PLPPR5: variants seen among roughly 807,000 people sequenced by gnomAD.
PLPPR5 encodes the protein phospholipid phosphatase related 5, also known as phospholipid phosphatase-related protein type 5.
PLPPR5 carries 16 observed loss-of-function variants against 33.9 expected under a neutral mutation model. That is an observed-to-expected ratio of 0.47 (90% CI 0.32 to 0.72). PLPPR5 has a LOEUF of 0.72. PLPPR5 is among the 30% of genes least tolerant of loss of function. The pLI is 0.03. For synonymous variants in PLPPR5, 163 were observed against 150.3 expected, an observed-to-expected ratio of 1.08 and a Z score of -0.62; for missense variants, 301 against 406.7, an observed-to-expected ratio of 0.74 and a Z score of 2.23.
chr1:99,000,798 T>C lies in PLPPR5; in HGVS notation c.237+3637A>G, dbSNP rs548909205. 1.2e-4 allele frequency among the ~76,000 whole-genome samples: 19 copies of C among 152,328 alleles called. No individual in the cohort carries two copies. In the East Asian group the frequency reaches 3.7e-3, roughly 29 times the overall value. On this transcript the variant is annotated intron_variant, in intron 1 of 5. Coordinates refer to ENST00000263177, the MANE Select transcript of PLPPR5 (RefSeq NM_001037317.2). ...TCTGTCATAATTACTTATATTATGATCTGCGGTATGTTTATCTAATTTCAC... is the reference window on the plus strand; with the variant it reads ...TCTGTCATAATTACTTATATTATGACCTGCGGTATGTTTATCTAATTTCAC...
chr1:98,993,485 C>T (rs1481218536), intron 1 of PLPPR5, among the ~76,000 whole-genome samples: 3 of 152,078 alleles, frequency 2.0e-5, no homozygotes, highest in Non-Finnish European at 4.4e-5. Flanking sequence ...AAAAGATTGT[C>T]ATATAGTTTT....
At chr1:98,992,769 A>G (rs1218284576) in intron 1 of PLPPR5, among the ~76,000 whole-genome samples, 3 of 152,088 alleles carry the variant, frequency 2.0e-5, no homozygotes, top group Non-Finnish European at 2.9e-5. Flanking sequence ...TCAGAAAAAA[A>G]CTCTCATAGT....
intron 1 of PLPPR5, among the ~76,000 whole-genome samples, chr1:98,957,690 T>G (rs1402331034): frequency 6.6e-6 from 1 of 152,236 alleles, no homozygotes; most frequent in East Asian, 1.9e-4. Context: ...GGAATTGTCA[T>G]AATATACTAC....
Position 99,004,701 on chromosome 1 carries a change from C to T in PLPPR5, c.-30G>A. On this transcript the variant is annotated 5_prime_UTR_variant, in exon 1 of 6. Transcript: ENST00000263177. ...GCCTCCCGGGCCGGGCCGAGCCGAG[C>T]CGAGCGGGCGGTCGACGCGGTGGGC... 2 of 1,465,044 alleles carry T rather than the reference C, an allele frequency of 1.4e-6. No individual in the cohort carries two copies. Among genetic ancestry groups the T allele is most frequent in the Non-Finnish European group, 1.8e-6 (2 of 1,098,334 alleles). The allele number at this position is 1,465,044 out of a possible 1,614,324, so 90.8% of individuals were successfully genotyped here. A position where few individuals can be genotyped will look rare whatever the true frequency, so the allele number is the denominator to read the frequency against.
chr1:98,954,603 C>T (rs949823774), intron 2 of PLPPR5, among the ~76,000 whole-genome samples: 1 of 152,042 alleles, frequency 6.6e-6, no homozygotes, highest in Non-Finnish European at 1.5e-5. Flanking sequence ...AAAACCCCCA[C>T]ACAGCAAAAC....
intron 1 of PLPPR5, among the ~76,000 whole-genome samples, chr1:98,975,807 A>G (rs1390790448): frequency 6.6e-6 from 1 of 152,048 alleles, no homozygotes; most frequent in Non-Finnish European, 1.5e-5. Context: ...CAAGGAATAA[A>G]TAATATGTCC....
chr1:98,965,519 G>GT (rs1156374366), intron 1 of PLPPR5, among the ~76,000 whole-genome samples: 1 of 152,058 alleles, frequency 6.6e-6, no homozygotes, highest in African/African-American at 2.4e-5. Context: ...TTGGTAATGA[G>GT]TAAAAAGCCC....
chr1:98,968,423 A>G (rs1651529153), intron 1 of PLPPR5, among the ~76,000 whole-genome samples: 1 of 152,038 alleles, frequency 6.6e-6, no homozygotes, highest in Admixed American at 6.6e-5. Context: ...AACAACAAAA[A>G]AGCAATATGA....
At chr1:98,942,163 C>T (rs902311785) in intron 3 of PLPPR5, among the ~76,000 whole-genome samples, 7 of 147,938 alleles carry the variant, frequency 4.7e-5, no homozygotes, top group African/African-American at 1.7e-4. Context: ...CCTCTGCCTC[C>T]TGAATTCAAG....
Position 98,907,203 on chromosome 1 carries a change from CT to C in PLPPR5, c.933+7582del, listed in dbSNP as rs5776440. 5.1e-3 allele frequency among the ~76,000 whole-genome samples: 670 copies of C among 132,126 alleles called. 2 individuals carry two copies. The highest frequency in any genetic ancestry group is 0.016 in the Middle Eastern group (4 of 250). 86.7% of individuals were successfully genotyped at this position (132,126 alleles called of 152,430 possible). A position where few individuals can be genotyped will look rare whatever the true frequency, so the allele number is the denominator to read the frequency against. ...AAATTTAATTGTATTTATTGTAATC[CT>C]TTTTTTTTTTTTTTTCTGATGAAGT... On this transcript the variant is annotated intron_variant, in intron 5 of 5. Coordinates refer to ENST00000263177, the MANE Select transcript of PLPPR5 (RefSeq NM_001037317.2).
Position 98,952,395 on chromosome 1 carries a change from T to C in PLPPR5, c.621+675A>G, listed in dbSNP as rs534582928. On this transcript the variant is annotated intron_variant, in intron 3 of 5. Transcript: ENST00000263177. ...GAGGAGGGAGAGGCTGATGGTACCA[T>C]TGTTGGGGACAAGAGCTGCCTGCCA... Among the ~76,000 whole-genome samples, 72 of 152,206 alleles carry C rather than the reference T, an allele frequency of 4.7e-4. 4 individuals carry two copies. The South Asian group carries it at 0.014, about 29-fold the overall frequency.
At chr1:98,965,372 C>G (rs191337249) in intron 1 of PLPPR5, among the ~76,000 whole-genome samples, 1 of 152,136 alleles carries the variant, frequency 6.6e-6, no homozygotes, top group East Asian at 1.9e-4. Flanking sequence ...TATGAAGCTC[C>G]TCGAATCTTG....
At chr1:99,000,786 C>T (rs898747742) in intron 1 of PLPPR5, among the ~76,000 whole-genome samples, 1 of 152,230 alleles carries the variant, frequency 6.6e-6, no homozygotes, top group East Asian at 1.9e-4. Context: ...GTCATAATTA[C>T]TTATATTATG....
chr1:98,950,425 T>G (rs959215261), intron 3 of PLPPR5, among the ~76,000 whole-genome samples: 7 of 152,188 alleles, frequency 4.6e-5, no homozygotes, highest in Non-Finnish European at 1.0e-4. Context: ...ATGTCCCAAT[T>G]TTTATTATAG....
At chr1:98,935,200 T>C (rs1478057639) in intron 3 of PLPPR5, among the ~76,000 whole-genome samples, 1 of 152,210 alleles carries the variant, frequency 6.6e-6, no homozygotes. Context: ...TTAAGCCAAG[T>C]GCTGGAGACA....
At chr1:98,974,740 T>C (rs2100746715) in intron 1 of PLPPR5, among the ~76,000 whole-genome samples, 1 of 152,234 alleles carries the variant, frequency 6.6e-6, no homozygotes, top group African/African-American at 2.4e-5. Context: ...TTGTATATTC[T>C]GGCCTATATT....
chr1:99,001,931 A>G lies in PLPPR5; in HGVS notation c.237+2504T>C, dbSNP rs370674373. The stretch of plus-strand genomic sequence containing the variant: ...TCATGTTCCCAAATGTTAGATAAGA[A>G]TAATAATTATTGCTTTCAGAGATAA... On this transcript the variant is annotated intron_variant, in intron 1 of 5. Transcript: ENST00000263177. 1.2e-4 allele frequency among the ~76,000 whole-genome samples: 19 copies of G among 152,064 alleles called. No individual in the cohort carries two copies. In the East Asian group the frequency reaches 2.1e-3, roughly 17 times the overall value.
At chr1:98,992,396 T>G (rs1374169728) in intron 1 of PLPPR5, among the ~76,000 whole-genome samples, 1 of 152,192 alleles carries the variant, frequency 6.6e-6, no homozygotes, top group African/African-American at 2.4e-5. Flanking sequence ...TTTATACCAC[T>G]GAATATCTCT....
chr1:98,909,699 T>C (rs1338145887), intron 5 of PLPPR5, among the ~76,000 whole-genome samples: 1 of 152,276 alleles, frequency 6.6e-6, no homozygotes, highest in East Asian at 1.9e-4. Context: ...CTAGTTTGCA[T>C]CCAGAACCTA....
Sources: gnomAD v4.1 joint callset for allele counts (sites outside exome capture counted in the v4.1 genomes callset) on GRCh38, gnomAD v4.1.1 for gene constraint, MANE v1.5 for transcripts, NCBI Gene and HGNC (gene_info 2026-07-23, HGNC 2026-07-21) for gene names.